The following MEGF6 variants were observed in gnomAD, a reference collection of about 807,000 sequenced individuals.
MEGF6 encodes multiple epidermal growth factor-like domains protein 6.
A neutral mutation model predicts 207.1 loss-of-function variants in MEGF6; 184 were observed. The observed-to-expected ratio is 0.89, with a 90% CI of 0.79 to 1.00. MEGF6 has a LOEUF of 1.00. Ranked by LOEUF, MEGF6 falls within the 50% of genes least tolerant of loss-of-function variation. MEGF6 has a pLI of 0.00. For synonymous variants in MEGF6, 1,038 were observed against 910.0 expected (o/e 1.14, Z -2.53); for missense variants, 2,282 against 2,202.9 (o/e 1.04, Z -0.72).
In MEGF6 at chr1:3,560,581, G is replaced by GC. The variant is rs1332669316; in HGVS notation, c.481+19243dup. On this transcript the variant is annotated intron_variant, in intron 4 of 36. Coordinates refer to ENST00000356575, the MANE Select transcript of MEGF6 (RefSeq NM_001409.4). This position sits in a 1 kb window ranked among gnomAD's most constrained non-coding sequence, Gnocchi z 4.0. ...GCAACTTGCATTGAGGGGCTGAGAG[G>GC]CCCCCCTGTTCTCCAAGAGAAACGC... is the stretch of plus-strand genomic sequence containing the variant. The GC allele has an allele frequency of 1.1e-5, 4 of 360,950 alleles. No individual in the cohort carries two copies. Among genetic ancestry groups the GC allele is most frequent in the Non-Finnish European group, 2.3e-5 (4 of 173,606 alleles). 22.4% of individuals were successfully genotyped at this position (360,950 alleles called of 1,614,324 possible).
intron 3 of MEGF6, among the ~76,000 whole-genome samples, chr1:3,581,202 T>C (rs1307582809): frequency 6.6e-6 from 1 of 151,994 alleles, no homozygotes; most frequent in Non-Finnish European, 1.5e-5. Flanking sequence ...GGACTTGGGG[T>C]CAGGAGGACC....
At chr1:3,541,716 G>A (rs1300254499) in intron 4 of MEGF6, among the ~76,000 whole-genome samples, 2 of 152,054 alleles carry the variant, frequency 1.3e-5, no homozygotes, top group South Asian at 2.1e-4. Flanking sequence ...GTGCCCTCAG[G>A]CAGCAGGCAA....
At chr1:3,546,680 T>G (rs1570108580) in intron 4 of MEGF6, among the ~76,000 whole-genome samples, 2 of 56,400 alleles carry the variant, frequency 3.5e-5, no homozygotes, top group African/African-American at 6.8e-5. Flanking sequence ...CGAGGTGGGG[T>G]GGCAGTGGGC....
In MEGF6 at chr1:3,490,789, G is replaced by C. The variant is rs549668247; in HGVS notation, c.4564+123C>G. 2.4e-5 allele frequency: 32 copies of C among 1,347,976 alleles called. No homozygotes were observed. The African/African-American group carries it at 4.7e-4, about 20-fold the overall frequency. 83.5% of individuals were successfully genotyped at this position (1,347,976 alleles called of 1,614,324 possible). On this transcript the variant is annotated intron_variant, in intron 36 of 36. Transcript: ENST00000356575. ...TTGGTCTCTGAGCTCCAGATTCCTG[G>C]GGCCCAAGGCCCCGGGTGCAGCTGC... is the stretch of plus-strand genomic sequence containing the variant.
intron 2 of MEGF6, among the ~76,000 whole-genome samples, chr1:3,596,382 G>A (rs913283775): frequency 1.4e-4 from 21 of 151,904 alleles, no homozygotes; most frequent in African/African-American, 2.9e-4. Context: ...AAGTCCAGAC[G>A]CTGCCTCAGG....
At chr1:3,531,817 G>C (rs931722743) in intron 4 of MEGF6, among the ~76,000 whole-genome samples, 2 of 151,994 alleles carry the variant, frequency 1.3e-5, no homozygotes, top group African/African-American at 4.8e-5. Context: ...GCCGCGGGGC[G>C]GGGGAGGGGG....
At chr1:3,575,119 C>A (rs1281828884) in intron 4 of MEGF6, among the ~76,000 whole-genome samples, 1 of 152,200 alleles carries the variant, frequency 6.6e-6, no homozygotes, top group African/African-American at 2.4e-5. Flanking sequence ...TTCTCAGTAA[C>A]TTTTTCTTGC....
chr1:3,605,887 C>T (rs918949545), intron 1 of MEGF6, among the ~76,000 whole-genome samples: 5 of 152,216 alleles, frequency 3.3e-5, no homozygotes, highest in African/African-American at 4.8e-5. Flanking sequence ...TTCCAGGACC[C>T]GGCCCCCACC....
At chr1:3,538,338 G>A (rs983691338) in intron 4 of MEGF6, among the ~76,000 whole-genome samples, 3 of 152,158 alleles carry the variant, frequency 2.0e-5, no homozygotes. Context: ...GCCCCCACCC[G>A]GCCTCAGAGC....
chr1:3,524,570 C>G (rs902909356), intron 4 of MEGF6, among the ~76,000 whole-genome samples: 6 of 152,212 alleles, frequency 3.9e-5, no homozygotes, highest in Non-Finnish European at 7.3e-5. Flanking sequence ...TTCTTAAGTC[C>G]AAATCTACAA....
intron 16 of MEGF6, 33 bp downstream of exon 16, chr1:3,505,388 GC>G: frequency 3.2e-6 from 5 of 1,573,964 alleles, no homozygotes; most frequent in South Asian, 2.2e-5. Flanking sequence ...CGACCCTGGC[GC>G]CCCCCGCCCC....
At chr1:3,498,972 C>T (rs1330167392) in intron 24 of MEGF6, 146 bp from the exon 25 acceptor site, 2 of 1,406,698 alleles carry the variant, frequency 1.4e-6, no homozygotes, top group African/African-American at 2.8e-5. Context: ...CCCAGCCTCA[C>T]TCCCCATCCC....
At chr1:3,495,778 G>T in intron 30 of MEGF6, 112 bp downstream of exon 30, 1 of 1,356,434 alleles carries the variant, frequency 7.4e-7, no homozygotes, top group Non-Finnish European at 9.9e-7. Flanking sequence ...GCTGGTGGCA[G>T]CCAGGATGTG....
intron 1 of MEGF6, among the ~76,000 whole-genome samples, chr1:3,610,098 C>T (rs1317158800): frequency 1.3e-5 from 2 of 152,360 alleles, no homozygotes; most frequent in African/African-American, 2.4e-5. Flanking sequence ...GGACTAGGGC[C>T]GTTCACACTG....
chr1:3,596,213 C>T (rs1055522118), intron 2 of MEGF6, among the ~76,000 whole-genome samples: 5 of 151,988 alleles, frequency 3.3e-5, no homozygotes, highest in South Asian at 2.1e-4. Flanking sequence ...TCAGATGGGA[C>T]GGGCTGCGGC....
intron 2 of MEGF6, 125 bp downstream of exon 2, chr1:3,602,341 G>C: frequency 7.1e-7 from 1 of 1,399,242 alleles, no homozygotes; most frequent in South Asian, 1.4e-5. Flanking sequence ...AGGGCTTCAG[G>C]CAGGGGTTGC....
At chr1:3,495,586 T>A (rs1002713590) in intron 30 of MEGF6, among the ~76,000 whole-genome samples, 9 of 152,118 alleles carry the variant, frequency 5.9e-5, no homozygotes, top group African/African-American at 2.2e-4. Flanking sequence ...AGGCGCTGGG[T>A]AGGAACCTGC....
chr1:3,591,624 T>G (rs76782544), intron 3 of MEGF6, among the ~76,000 whole-genome samples: 4,556 of 143,326 alleles, frequency 0.032, 131 homozygotes, highest in East Asian at 0.17. Flanking sequence ...GAGGGGGCTG[T>G]TGGGGGCTGC....
chr1:3,618,300 C>T, the MEGF6 span, among the ~76,000 whole-genome samples: 1 of 152,176 alleles, frequency 6.6e-6, no homozygotes, highest in African/African-American at 2.4e-5. This position sits in a 1 kb window ranked among gnomAD's most constrained non-coding sequence, Gnocchi z 4.7. Flanking sequence ...TTAAGACCTT[C>T]TGGCCCCCAA....
Sources: gnomAD v4.1 joint callset for allele counts (sites outside exome capture counted in the v4.1 genomes callset) on GRCh38, gnomAD v4.1.1 for gene constraint, Gnocchi (gnomAD v3.1) non-coding constraint, MANE v1.5 for transcripts, NCBI Gene and HGNC (gene_info 2026-07-23, HGNC 2026-07-21) for gene names.